The following IL1RAP variants were observed in gnomAD, a reference collection of about 807,000 sequenced individuals.
The protein encoded by IL1RAP is interleukin-1 receptor accessory protein.
A neutral mutation model predicts 60.7 loss-of-function variants in IL1RAP; 35 were observed. That is an observed-to-expected ratio of 0.58 (90% CI 0.44 to 0.76). IL1RAP has a LOEUF of 0.76. IL1RAP is among the 30% of genes least tolerant of loss of function. The pLI is 0.00. For synonymous variants in IL1RAP, 268 were observed against 250.9 expected, an observed-to-expected ratio of 1.07 and a Z score of -0.64; for missense variants, 572 against 693.9, an observed-to-expected ratio of 0.82 and a Z score of 1.97.
intron 1 of IL1RAP, among the ~76,000 whole-genome samples, chr3:190,516,746 A>G (rs1021496929): frequency 1.9e-4 from 17 of 87,256 alleles, no homozygotes; most frequent in Non-Finnish European, 4.3e-4. Flanking sequence ...AAAAATGCTT[A>G]CTTTAAAAAT....
At chr3:190,629,737 G>C (rs1321286524) in intron 9 of IL1RAP, 2 of 1,195,930 alleles carry the variant, frequency 1.7e-6, no homozygotes, top group South Asian at 7.3e-5. Context: ...AAAAATCGAC[G>C]TGAGTACAGT....
At chr3:190,599,580 G>T (rs1729676197) in intron 3 of IL1RAP, among the ~76,000 whole-genome samples, 1 of 151,390 alleles carries the variant, frequency 6.6e-6, no homozygotes, top group African/African-American at 2.4e-5. Flanking sequence ...TGTGGTGTGA[G>T]TCTATTTCTA....
intron 3 of IL1RAP, among the ~76,000 whole-genome samples, chr3:190,577,422 C>T (rs1727589905): frequency 1.3e-5 from 2 of 152,088 alleles, no homozygotes; most frequent in Non-Finnish European, 2.9e-5. Flanking sequence ...AGAGTTTTTA[C>T]CACATGAAAA....
At chr3:190,640,552 T>C (rs1469035102) in intron 9 of IL1RAP, among the ~76,000 whole-genome samples, 1 of 152,152 alleles carries the variant, frequency 6.6e-6, no homozygotes, top group African/African-American at 2.4e-5. Context: ...TCAGTCCCAA[T>C]AATTTAGAAC....
intron 1 of IL1RAP, among the ~76,000 whole-genome samples, chr3:190,545,010 G>A (rs2193880): frequency 0.46 from 69,576 of 151,966 alleles, 18,315 homozygotes; most frequent in Admixed American, 0.6. Context: ...CAGGAGACTC[G>A]AATTAAGTAG....
intron 3 of IL1RAP, among the ~76,000 whole-genome samples, chr3:190,570,316 G>C (rs1453467225): frequency 1.3e-5 from 2 of 152,170 alleles, no homozygotes; most frequent in Non-Finnish European, 2.9e-5. Flanking sequence ...GAAAATGCAA[G>C]ATGACTACGA....
chr3:190,632,902 G>A (rs1732907241), intron 9 of IL1RAP, among the ~76,000 whole-genome samples: 1 of 152,074 alleles, frequency 6.6e-6, no homozygotes, highest in South Asian at 2.1e-4. Context: ...TTAATTCTAT[G>A]AATATAGATC....
chr3:190,578,154 C>T (rs979898893), intron 3 of IL1RAP, among the ~76,000 whole-genome samples: 6 of 152,034 alleles, frequency 3.9e-5, no homozygotes, highest in East Asian at 1.9e-4. Context: ...TACTAACCTG[C>T]GTATGTACCC....
chr3:190,622,694 G>T (rs1351483701), intron 6 of IL1RAP, among the ~76,000 whole-genome samples: 1 of 152,130 alleles, frequency 6.6e-6, no homozygotes, highest in Non-Finnish European at 1.5e-5. Context: ...AGATACATAG[G>T]GGGAGTTCTG....
At position 190,644,264 on chromosome 3, in the gene IL1RAP, C is replaced by T. The variant is rs1173903665; in HGVS notation, c.1068C>T (p.Tyr356=). The T allele has an allele frequency of 1.9e-6, 3 of 1,613,226 alleles. No homozygotes were observed. The highest frequency in any genetic ancestry group is 1.3e-5 in the African/African-American group (1 of 75,004). Residue 356 remains tyrosine (Y), a synonymous_variant, in exon 10 of 12, where the codon TAC becomes TAT. Transcript: ENST00000447382. ...KVKQKVPAPR[Y]TVELACGFGA... is the part of the protein sequence containing the mutation. The stretch of plus-strand genomic sequence containing the variant: ...TCATTCCAGTGCCAGCTCCAAGATA[C>T]ACAGTGGAACTGGCTTGTGGTTTTG...
intron 1 of IL1RAP, among the ~76,000 whole-genome samples, chr3:190,553,013 A>G (rs1005492891): frequency 5.3e-5 from 8 of 152,196 alleles, no homozygotes; most frequent in African/African-American, 1.4e-4. Context: ...GGAAAATCCA[A>G]TGCAGTTTGT....
chr3:190,645,899 A>G, intron 11 of IL1RAP, 57 bp downstream of exon 11: 1 of 1,480,774 alleles, frequency 6.8e-7, no homozygotes, highest in Non-Finnish European at 9.3e-7. Context: ...CAGAATCATT[A>G]GTTTTGCATT....
At chr3:190,518,050 G>C (rs1008084082) in intron 1 of IL1RAP, 1 of 149,566 alleles carries the variant, frequency 6.7e-6, no homozygotes, top group African/African-American at 2.4e-5. Flanking sequence ...TATTTCGGTG[G>C]ATAAATTCAG....
chr3:190,550,293 C>A (rs978950686), intron 1 of IL1RAP: 1 of 152,178 alleles, frequency 6.6e-6, no homozygotes, highest in Non-Finnish European at 1.5e-5. Context: ...GCCTTTTAAC[C>A]TCTGTTATCA....
At chr3:190,652,575 C>A (rs1423944104), downstream of IL1RAP, among the ~76,000 whole-genome samples, 1 of 152,114 alleles carries the variant, frequency 6.6e-6, no homozygotes, top group Admixed American at 6.5e-5. Context: ...AAACCAGCCC[C>A]AAAAGTGTAG....
chr3:190,569,129 A>C (rs1726685876), intron 3 of IL1RAP, among the ~76,000 whole-genome samples: 1 of 152,270 alleles, frequency 6.6e-6, no homozygotes, highest in Admixed American at 6.5e-5. Flanking sequence ...CTGGAAAGGT[A>C]GGTTGGGAAC....
Position 190,649,048 on chromosome 3 carries a change from G to A in IL1RAP, c.*343G>A, listed in dbSNP as rs1398843650. The A allele has an allele frequency of 5.0e-6, 5 of 1,005,390 alleles. No homozygotes were observed. The African/African-American group carries it at 8.6e-5, about 17-fold the overall frequency. The allele number at this position is 1,005,390 out of a possible 1,614,324, so 62.3% of individuals were successfully genotyped here. A position where few individuals can be genotyped will look rare whatever the true frequency, so the allele number is the denominator to read the frequency against. Reference sequence around the variant, plus strand: ...TAACATATGGAGCAGCCTTTCCTATGAATTTAAATATGCCTTTAAAATAAG... The same window carrying A: ...TAACATATGGAGCAGCCTTTCCTATAAATTTAAATATGCCTTTAAAATAAG... On this transcript the variant is annotated 3_prime_UTR_variant, in exon 12 of 12. Transcript: ENST00000447382.
At position 190,604,337 on chromosome 3, in the gene IL1RAP, A is replaced by G. The variant is rs1364440220; in HGVS notation, c.274A>G (p.Ile92Val). 2.5e-6 allele frequency: 4 copies of G among 1,613,756 alleles called. No individual in the cohort carries two copies. The highest frequency in any genetic ancestry group is 1.6e-4 in the Middle Eastern group (1 of 6,082). Residue 92 changes from isoleucine to valine, a missense_variant, in exon 4 of 12, where the codon ATT becomes GTT. Coordinates refer to ENST00000447382, the MANE Select transcript of IL1RAP (RefSeq NM_002182.4). ...PINFRLPENR[I>V]SKEKDVLWFR... ...TAACTTCCGCCTCCCCGAGAACCGC[A>G]TTAGTAAGGAGAAAGATGTGCTGTG...
At chr3:190,533,034 C>G (rs1723125929) in intron 1 of IL1RAP, among the ~76,000 whole-genome samples, 1 of 152,116 alleles carries the variant, frequency 6.6e-6, no homozygotes, top group African/African-American at 2.4e-5. Flanking sequence ...TTCAAAAACC[C>G]CTAGTCTCCT....
Sources: allele counts gnomAD v4.1 joint callset (sites outside exome capture counted in the v4.1 genomes callset), GRCh38; gene constraint gnomAD v4.1.1; transcripts MANE v1.5; gene names NCBI Gene and HGNC (gene_info 2026-07-23, HGNC 2026-07-21).